PHAF1: variants seen among roughly 807,000 people sequenced by gnomAD.
The protein encoded by PHAF1 is phagophore assembly factor 1, also known as phagosome assembly factor 1.
In PHAF1, 23 loss-of-function variants were observed where a neutral mutation model predicts 63.1. The observed-to-expected ratio is 0.36, with a 90% CI of 0.26 to 0.52. The LOEUF is 0.52. Ranked by LOEUF, PHAF1 falls within the 20% of genes least tolerant of loss-of-function variation. The probability of loss-of-function intolerance (pLI) is 0.93; values close to 1 mark genes in which losing one functional copy is unlikely to be tolerated. For synonymous variants in PHAF1, 167 were observed against 185.0 expected (o/e 0.90, Z 0.79); for missense variants, 427 against 517.2 (o/e 0.83, Z 1.69).
intron 8 of PHAF1, chr16:67,134,830 C>T: frequency 2.4e-6 from 1 of 422,650 alleles, no homozygotes; most frequent in Non-Finnish European, 4.7e-6. Flanking sequence ...TCCCAAAGCC[C>T]TGACCTTCTA....
At chr16:67,145,450 C>A in intron 13 of PHAF1, 31 bp downstream of exon 13, 1 of 1,614,054 alleles carries the variant, frequency 6.2e-7, no homozygotes. Flanking sequence ...CTGGCATAGC[C>A]TGAGAATGAG....
chr16:67,130,525 T>C (rs1963354434), intron 3 of PHAF1, among the ~76,000 whole-genome samples: 1 of 151,882 alleles, frequency 6.6e-6, no homozygotes. Flanking sequence ...ATTTTTGTAT[T>C]TTTGGTAGAG....
chr16:67,125,536 A>G (rs567091515), intron 2 of PHAF1, among the ~76,000 whole-genome samples: 7 of 152,384 alleles, frequency 4.6e-5, no homozygotes, highest in African/African-American at 1.7e-4. Context: ...GGCATAAGCA[A>G]TATCTGCTGA....
At chr16:67,119,867 AAAAGAGTCCTTGCATTC>A (rs1255569495) in intron 1 of PHAF1, among the ~76,000 whole-genome samples, 3 of 152,148 alleles carry the variant, frequency 2.0e-5, no homozygotes, top group Non-Finnish European at 4.4e-5. Flanking sequence ...ACAGATAAGC[AAAAGAGTCCTTGCATTC>A]AAAGAGTTGG....
At chr16:67,142,095 CTT>C (rs1454524549) in intron 10 of PHAF1, among the ~76,000 whole-genome samples, 1 of 152,188 alleles carries the variant, frequency 6.6e-6, no homozygotes, top group African/African-American at 2.4e-5. Flanking sequence ...GTGGGTAGCT[CTT>C]TCTGCAGGCA....
At chr16:67,117,369 G>A (rs1332509008) in intron 1 of PHAF1, among the ~76,000 whole-genome samples, 1 of 151,410 alleles carries the variant, frequency 6.6e-6, no homozygotes, top group Non-Finnish European at 1.5e-5. Flanking sequence ...CTTTTTGGTG[G>A]TCTCAGTGAG....
intron 1 of PHAF1, among the ~76,000 whole-genome samples, chr16:67,114,318 T>C (rs1447202979): frequency 1.3e-5 from 2 of 151,914 alleles, no homozygotes; most frequent in Non-Finnish European, 2.9e-5. Context: ...AGTGAGACCC[T>C]GTCTCTATTT....
rs1341590889 is a variant in PHAF1 at position 67,110,238 on chromosome 16, G to A, written c.63G>A (p.Leu21=). The A allele has an allele frequency of 1.3e-6, 2 of 1,551,870 alleles. No individual in the cohort carries two copies. The highest frequency in any genetic ancestry group is 8.7e-7 in the Non-Finnish European group (1 of 1,147,194). ...SLGNEQWEFT[L]GMPLAQAVAI... ...GGAACGAGCAATGGGAATTCACGCT[G>A]GGTGAGTTTGGGGTCCTCTGTCAGG... The change falls in exon 1 of 16, where the codon CTG becomes CTA. Residue 21 remains leucine (L), a splice_region_variant and synonymous_variant. Coordinates refer to ENST00000219139, the MANE Select transcript of PHAF1 (RefSeq NM_025187.5).
chr16:67,115,170 C>T (rs2145818304), intron 1 of PHAF1, among the ~76,000 whole-genome samples: 1 of 152,310 alleles, frequency 6.6e-6, no homozygotes, highest in Admixed American at 6.5e-5. Flanking sequence ...CTTTGTTTCA[C>T]AGATGTGCAT....
intron 14 of PHAF1, 112 bp from the exon 15 acceptor site, chr16:67,146,164 TCA>T: frequency 2.1e-6 from 2 of 953,434 alleles, no homozygotes; most frequent in South Asian, 2.7e-5. Context: ...AGACAGACAC[TCA>T]CAGCCATGAG....
chr16:67,146,285 T>G lies in PHAF1; in HGVS notation c.1117T>G (p.Ser373Ala). The G allele has an allele frequency of 6.2e-7, 1 of 1,613,958 alleles. No individual in the cohort carries two copies. The highest frequency in any genetic ancestry group is 1.7e-5 in the Admixed American group (1 of 60,030). The change falls in exon 15 of 16, where the codon TCC becomes GCC. Residue 373 changes from serine to alanine, a missense_variant. Physicochemically the swap from Ser to Ala is moderately conservative, Grantham distance 99. Coordinates refer to ENST00000219139, the MANE Select transcript of PHAF1 (RefSeq NM_025187.5). ...TGAATTCTTTGGCCTCAGGTCTTCC[T>G]CCCCAAACAACACCAACCCATTTGG... ...EKPVVLHRSS[S>A]PNNTNPFGST...
Position 67,131,292 on chromosome 16 carries a change from G to C in PHAF1, c.238G>C (p.Glu80Gln). 6.3e-7 allele frequency: 1 copy of C among 1,585,480 alleles called. No homozygotes were observed. The change falls in exon 4 of 16, where the codon GAA becomes CAA. Residue 80 changes from glutamate (E) to glutamine (Q), a missense_variant. Physicochemically the swap from Glu to Gln is conservative, Grantham distance 29. Transcript: ENST00000219139. ...DAFNQRLKVIEVCDLTKVKLK... is the reference protein window; with the variant it reads ...DAFNQRLKVIQVCDLTKVKLK... The stretch of plus-strand genomic sequence containing the variant: ...CTCTTAAACTTTTTTTTAGGTGATC[G>C]AAGTATGTGATTTGACTAAAGTAAA...
At chr16:67,141,608 G>A (rs1229157074) in intron 10 of PHAF1, among the ~76,000 whole-genome samples, 1 of 152,222 alleles carries the variant, frequency 6.6e-6, no homozygotes, top group Non-Finnish European at 1.5e-5. Context: ...GAGTGAATGT[G>A]GCATCCGGCC....
chr16:67,110,279 C>A, intron 1 of PHAF1, 40 bp downstream of exon 1: 1 of 1,546,282 alleles, frequency 6.5e-7, no homozygotes, highest in African/African-American at 1.4e-5. Flanking sequence ...ATTCGCTGAT[C>A]CTTGCTTTCT....
At chr16:67,138,778 A>G (rs993195067) in intron 8 of PHAF1, among the ~76,000 whole-genome samples, 2 of 152,180 alleles carry the variant, frequency 1.3e-5, no homozygotes, top group African/African-American at 4.8e-5. Context: ...TTTGAGTGAT[A>G]ATGGCTCTTG....
intron 2 of PHAF1, among the ~76,000 whole-genome samples, chr16:67,122,864 G>A (rs1205508668): frequency 2.0e-5 from 3 of 151,970 alleles, no homozygotes; most frequent in Non-Finnish European, 4.4e-5. Context: ...AAGTACCTGC[G>A]ATTACAGGCA....
At chr16:67,146,060 G>A (rs551146911) in intron 14 of PHAF1, among the ~76,000 whole-genome samples, 2 of 152,274 alleles carry the variant, frequency 1.3e-5, no homozygotes, top group South Asian at 4.1e-4. Flanking sequence ...CAGTTCCACA[G>A]TAACTTTTTT....
At chr16:67,112,521 G>C (rs576224692) in intron 1 of PHAF1, among the ~76,000 whole-genome samples, 38 of 151,624 alleles carry the variant, frequency 2.5e-4, no homozygotes, top group African/African-American at 9.0e-4. Flanking sequence ...GGGTGACAGA[G>C]AGAGACCCTG....
chr16:67,131,188 T>TTG, intron 3 of PHAF1, 98 bp from the exon 4 acceptor site: 2 of 502,806 alleles, frequency 4.0e-6, no homozygotes, highest in South Asian at 4.1e-5. Flanking sequence ...TAGTTTTTTT[T>TTG]TTTTTTTTTT....
Sources: gnomAD v4.1 joint callset for allele counts (sites outside exome capture counted in the v4.1 genomes callset) on GRCh38, gnomAD v4.1.1 for gene constraint, MANE v1.5 for transcripts, NCBI Gene and HGNC (gene_info 2026-07-23, HGNC 2026-07-21) for gene names.